The following SORCS2 variants were observed in gnomAD, a reference collection of about 807,000 sequenced individuals.
SORCS2 encodes the protein VPS10 domain-containing receptor SorCS2.
In SORCS2, 100 loss-of-function variants were observed where a neutral mutation model predicts 141.6. The ratio of observed to expected loss-of-function variants is 0.71; its 90% CI spans 0.60 to 0.83. The LOEUF (loss-of-function observed/expected upper bound fraction) is 0.83. SORCS2 is among the 40% of genes least tolerant of loss of function. SORCS2 has a pLI of 0.00. For synonymous variants in SORCS2, 789 were observed against 676.9 expected (o/e 1.17, Z -2.57); for missense variants, 1,646 against 1,560.2 (o/e 1.05, Z -0.93).
At chr4:7,729,815 C>A (rs1544401) in intron 23 of SORCS2, 103 bp downstream of exon 23, 2 of 1,458,702 alleles carry the variant, frequency 1.4e-6, no homozygotes, top group African/African-American at 1.4e-5. Context: ...GGCATAAAGG[C>A]GTCTTTCTCG....
rs150313747 is a variant in SORCS2, at chr4:7,737,163, G to A, written c.3406G>A (p.Ala1136Thr). 6.1e-5 allele frequency: 94 copies of A among 1,551,282 alleles called. No individual in the cohort carries two copies. Among genetic ancestry groups the A allele is most frequent in the Middle Eastern group, 5.0e-4 (3 of 5,992 alleles). Reference sequence around the variant, plus strand: ...GAGTCACAGTGAGGACGTCCAGGGCGCTGTCCAGGGTGAGGAGTTTATAGA... The same window carrying A: ...GAGTCACAGTGAGGACGTCCAGGGCACTGTCCAGGGTGAGGAGTTTATAGA... ...PVSHSEDVQG[A>T]VQGNHSGVVL... The change falls in exon 26 of 27, where the codon GCT becomes ACT. Residue 1136 changes from alanine to threonine, a missense_variant. Physicochemically the swap from Ala to Thr is moderately conservative, Grantham distance 58. Coordinates refer to ENST00000507866, the MANE Select transcript of SORCS2 (RefSeq NM_020777.3).
chr4:7,356,259 C>T (rs577605269), intron 1 of SORCS2, among the ~76,000 whole-genome samples: 18 of 152,326 alleles, frequency 1.2e-4, no homozygotes, highest in Admixed American at 6.5e-4. Context: ...CTGCCTTATT[C>T]GGTTTGTTTT....
chr4:7,599,605 G>A (rs1018011408), intron 3 of SORCS2, among the ~76,000 whole-genome samples: 7 of 152,100 alleles, frequency 4.6e-5, no homozygotes, highest in Non-Finnish European at 7.4e-5. Flanking sequence ...AACTGCACAC[G>A]TGTCCCACAC....
chr4:7,265,444 T>C (rs1053623595), intron 1 of SORCS2, among the ~76,000 whole-genome samples: 1 of 152,128 alleles, frequency 6.6e-6, no homozygotes, highest in Non-Finnish European at 1.5e-5. Flanking sequence ...TGAGCCGAGA[T>C]TGCACCACTG....
intron 1 of SORCS2, among the ~76,000 whole-genome samples, chr4:7,216,130 G>C (rs12152651): frequency 2.0e-5 from 3 of 151,848 alleles, no homozygotes; most frequent in Non-Finnish European, 4.4e-5. Context: ...ACGAGCCCAC[G>C]GGGAGGAACA....
chr4:7,225,286 A>G lies in SORCS2; in HGVS notation c.480+32160A>G, dbSNP rs114509656. ...GCTCCTGGATGCCTGCGTCCAGCCCACTGGACTGTGAACTGTGAGCGAAGG... is the reference window on the plus strand; with the variant it reads ...GCTCCTGGATGCCTGCGTCCAGCCCGCTGGACTGTGAACTGTGAGCGAAGG... On this transcript the variant is annotated intron_variant, in intron 1 of 26. Coordinates refer to ENST00000507866, the MANE Select transcript of SORCS2 (RefSeq NM_020777.3). Among the ~76,000 whole-genome samples, 641 of 152,284 alleles carry G rather than the reference A, an allele frequency of 4.2e-3. 4 individuals are homozygous for G. The highest frequency in any genetic ancestry group is 0.015 in the African/African-American group (612 of 41,558).
chr4:7,729,877 G>T (rs571696044), intron 23 of SORCS2, among the ~76,000 whole-genome samples, 165 bp downstream of exon 23: 1 of 152,126 alleles, frequency 6.6e-6, no homozygotes, highest in Non-Finnish European at 1.5e-5. Flanking sequence ...CTGTGGCTAC[G>T]CCCTCTGGAA....
intron 3 of SORCS2, among the ~76,000 whole-genome samples, chr4:7,568,041 A>C (rs1339989640): frequency 6.6e-6 from 1 of 152,128 alleles, no homozygotes; most frequent in East Asian, 1.9e-4. Context: ...GGCTCATCTG[A>C]TATATTTCCT....
intron 1 of SORCS2, among the ~76,000 whole-genome samples, chr4:7,311,234 A>G (rs968416597): frequency 4.6e-5 from 7 of 152,200 alleles, no homozygotes; most frequent in Non-Finnish European, 8.8e-5. Context: ...AGATTCAGAC[A>G]TGTTGTCACA....
intron 1 of SORCS2, among the ~76,000 whole-genome samples, chr4:7,257,977 C>T (rs1222426144): frequency 1.3e-5 from 2 of 152,160 alleles, no homozygotes; most frequent in Admixed American, 6.5e-5. Flanking sequence ...CTGGCCAGCC[C>T]TGGCCCATGG....
intron 12 of SORCS2, among the ~76,000 whole-genome samples, chr4:7,699,477 A>G (rs1473316246): frequency 6.6e-6 from 1 of 152,102 alleles, no homozygotes; most frequent in Non-Finnish European, 1.5e-5. Context: ...GCACCGGCTC[A>G]GGGGGCCAGC....
At chr4:7,638,296 G>T (rs1720404299) in intron 3 of SORCS2, 32 bp from the exon 4 acceptor site, 2 of 1,495,250 alleles carry the variant, frequency 1.3e-6, no homozygotes, top group South Asian at 1.4e-5. Flanking sequence ...GGGGCACCTG[G>T]CCCAGGCCTC....
rs1560498473 is a variant in SORCS2 at position 7,706,028 on chromosome 4, T to TGAGGCTGGGCTCCGC, written c.1868+1744_1868+1745insGAGGCTGGGCTCCGC. Among the ~76,000 whole-genome samples, 8 of 112,412 alleles carry TGAGGCTGGGCTCCGC rather than the reference T, an allele frequency of 7.1e-5. 1 individual carries two copies. The highest frequency in any genetic ancestry group is 2.8e-4 in the East Asian group (1 of 3,578). The allele number at this position is 112,412 out of a possible 152,430, so 73.7% of individuals were successfully genotyped here. On this transcript the variant is annotated intron_variant, in intron 14 of 26. Coordinates refer to ENST00000507866, the MANE Select transcript of SORCS2 (RefSeq NM_020777.3). ...TGGACAGGGATGAGGCTGGGCTCTG[T>TGAGGCTGGGCTCCGC]CTGGGCAGGGATGAGGCTGGGCTCC...
chr4:7,617,193 TTATC>T (rs1560429290), intron 3 of SORCS2, among the ~76,000 whole-genome samples: 1 of 152,136 alleles, frequency 6.6e-6, no homozygotes, highest in African/African-American at 2.4e-5. Flanking sequence ...ATCTATATAT[TTATC>T]TATCCATTGG....
chr4:7,621,176 C>T (rs1560432312), intron 3 of SORCS2, among the ~76,000 whole-genome samples: 1 of 152,282 alleles, frequency 6.6e-6, no homozygotes, highest in Non-Finnish European at 1.5e-5. Context: ...GATGTGGCAG[C>T]CCGCCCAGCC....
chr4:7,563,971 G>A (rs1714779547), intron 3 of SORCS2, among the ~76,000 whole-genome samples: 1 of 152,340 alleles, frequency 6.6e-6, no homozygotes, highest in Admixed American at 6.5e-5. Context: ...AAGATGTCAG[G>A]TTAATTTATG....
intron 3 of SORCS2, among the ~76,000 whole-genome samples, chr4:7,547,170 A>G (rs1238062970): frequency 1.3e-5 from 2 of 152,138 alleles, no homozygotes; most frequent in Non-Finnish European, 2.9e-5. Flanking sequence ...GGGCTTCAGC[A>G]TTGCCCTCTA....
intron 3 of SORCS2, among the ~76,000 whole-genome samples, chr4:7,541,453 A>G (rs1396857378): frequency 6.6e-6 from 1 of 152,178 alleles, no homozygotes; most frequent in African/African-American, 2.4e-5. Flanking sequence ...TTCTCTGATG[A>G]TGGTCTCTGG....
At chr4:7,331,325 G>T (rs1269363260) in intron 1 of SORCS2, among the ~76,000 whole-genome samples, 1 of 152,156 alleles carries the variant, frequency 6.6e-6, no homozygotes, top group East Asian at 1.9e-4. Flanking sequence ...TCCTGGCAGG[G>T]TGATCCTTGG....
Sources: allele counts gnomAD v4.1 joint callset (sites outside exome capture counted in the v4.1 genomes callset), GRCh38; gene constraint gnomAD v4.1.1; transcripts MANE v1.5; gene names NCBI Gene and HGNC (gene_info 2026-07-23, HGNC 2026-07-21).